The following NCAM2 variants were observed in gnomAD, a reference collection of about 807,000 sequenced individuals.
NCAM2 encodes N-CAM-2.
A neutral mutation model predicts 98.1 loss-of-function variants in NCAM2; 30 were observed. The ratio of observed to expected loss-of-function variants is 0.31; its 90% CI spans 0.23 to 0.41. The LOEUF is 0.41. Ranked by LOEUF, NCAM2 falls within the 10% of genes least tolerant of loss-of-function variation. The pLI is 1.00. For missense variants in NCAM2, 867 were observed against 1,005.8 expected (o/e 0.86, Z 1.87); for synonymous variants, 368 against 342.4 (o/e 1.07, Z -0.83).
At chr21:21,026,008 A>T (rs2064537674) in intron 1 of NCAM2, among the ~76,000 whole-genome samples, 1 of 152,190 alleles carries the variant, frequency 6.6e-6, no homozygotes, top group Non-Finnish European at 1.5e-5. Flanking sequence ...GTGGAGAATA[A>T]CCTAAAGCTT....
chr21:21,454,445 T>C (rs1981816347), intron 12 of NCAM2, among the ~76,000 whole-genome samples: 1 of 152,080 alleles, frequency 6.6e-6, no homozygotes, highest in South Asian at 2.1e-4. Flanking sequence ...AATTTTAAGG[T>C]GTTAACATCC....
At chr21:21,464,373 T>C (rs982518899) in intron 12 of NCAM2, among the ~76,000 whole-genome samples, 3 of 152,144 alleles carry the variant, frequency 2.0e-5, no homozygotes, top group Admixed American at 2.0e-4. Flanking sequence ...GAAGCATGAC[T>C]AGATATAGCA....
chr21:21,084,826 G>T (rs2065876873), intron 1 of NCAM2, among the ~76,000 whole-genome samples: 1 of 152,176 alleles, frequency 6.6e-6, no homozygotes, highest in African/African-American at 2.4e-5. Flanking sequence ...ATGAATATAG[G>T]AGTTAAAATT....
chr21:21,479,960 A>C (rs1363977718), intron 15 of NCAM2, among the ~76,000 whole-genome samples: 1 of 152,158 alleles, frequency 6.6e-6, no homozygotes, highest in Non-Finnish European at 1.5e-5. Context: ...CTTCTTTGTG[A>C]CAAACCCTTG....
chr21:21,421,428 T>G (rs1006578974), intron 11 of NCAM2, among the ~76,000 whole-genome samples: 3 of 118 alleles, frequency 0.025, no homozygotes, highest in African/African-American at 0.088. Context: ...TATTCCAAAT[T>G]TTATCAATTC....
rs1264427450 is a variant in NCAM2, at chr21:21,541,685, G to T, written c.*3728G>T. On this transcript the variant is annotated 3_prime_UTR_variant, in exon 18 of 18. Coordinates refer to ENST00000400546, the MANE Select transcript of NCAM2 (RefSeq NM_004540.5). ...ATTATCACTGACGAAAATATGTACA[G>T]TTCAAGAAGTAGAAATAATATTTTC... 2 of 151,588 alleles carry T rather than the reference G, an allele frequency of 1.3e-5. No individual in the cohort carries two copies. Among genetic ancestry groups the T allele is most frequent in the African/African-American group, 2.4e-5 (1 of 41,386 alleles). The allele number at this position is 151,588 out of a possible 1,614,324, so 9.4% of individuals were successfully genotyped here. A position where few individuals can be genotyped will look rare whatever the true frequency, so the allele number is the denominator to read the frequency against.
At chr21:21,251,529 C>T (rs1021341478) in intron 1 of NCAM2, among the ~76,000 whole-genome samples, 4 of 152,070 alleles carry the variant, frequency 2.6e-5, no homozygotes, top group Non-Finnish European at 5.9e-5. Context: ...TGTCTGTGTG[C>T]CACATTTTAT....
At position 21,508,897 on chromosome 21, in the gene NCAM2, A is replaced by G. The variant is rs1988177006; in HGVS notation, c.2124A>G (p.Gly708=). ...GGCTTGGAGCAGTAATTGGCCTGGGAGTTGCTGCACTGCTGCTAATTCTTG... is the reference window on the plus strand; with the variant it reads ...GGCTTGGAGCAGTAATTGGCCTGGGGGTTGCTGCACTGCTGCTAATTCTTG... ...GLGLGAVIGL[G]VAALLLILVV... is the part of the protein sequence containing the mutation. Residue 708 remains glycine, a synonymous_variant, in exon 16 of 18, where the codon GGA becomes GGG. Transcript: ENST00000400546. The G allele has an allele frequency of 7.0e-7, 1 of 1,438,778 alleles. No homozygotes were observed. Among genetic ancestry groups the G allele is most frequent in the South Asian group, 1.1e-5 (1 of 89,130 alleles). The allele number at this position is 1,438,778 out of a possible 1,614,324, so 89.1% of individuals were successfully genotyped here.
At chr21:21,323,914 G>C (rs1026354163) in intron 5 of NCAM2, among the ~76,000 whole-genome samples, 7 of 152,134 alleles carry the variant, frequency 4.6e-5, no homozygotes, top group Non-Finnish European at 7.4e-5. Flanking sequence ...GCATTACACA[G>C]ACCAATGAGA....
At chr21:21,068,450 G>A (rs2065488231) in intron 1 of NCAM2, among the ~76,000 whole-genome samples, 1 of 145,912 alleles carries the variant, frequency 6.9e-6, no homozygotes, top group South Asian at 2.2e-4. Context: ...TGGTAGTCAT[G>A]GTATTGCATT....
chr21:21,541,078 T>C lies in NCAM2; in HGVS notation c.*3121T>C, dbSNP rs1027329896. 2 of 151,612 alleles carry C rather than the reference T, an allele frequency of 1.3e-5. No homozygotes were observed. Among genetic ancestry groups the C allele is most frequent in the Non-Finnish European group, 3.0e-5 (2 of 67,740 alleles). 9.4% of individuals were successfully genotyped at this position (151,612 alleles called of 1,614,324 possible). On this transcript the variant is annotated 3_prime_UTR_variant, in exon 18 of 18. Coordinates refer to ENST00000400546, the MANE Select transcript of NCAM2 (RefSeq NM_004540.5). The stretch of plus-strand genomic sequence containing the variant: ...TGATCCAGCACACTTCATATGGATC[T>C]TAGTCTTTGAATTAAATATTTATAT...
At chr21:21,160,447 G>A (rs1430877032) in intron 1 of NCAM2, among the ~76,000 whole-genome samples, 3 of 151,854 alleles carry the variant, frequency 2.0e-5, no homozygotes, top group African/African-American at 4.8e-5. Flanking sequence ...TATGAGAATG[G>A]CTATTTTATT....
chr21:21,452,209 C>T (rs945339380), intron 12 of NCAM2, among the ~76,000 whole-genome samples: 3 of 101,376 alleles, frequency 3.0e-5, no homozygotes, highest in Non-Finnish European at 7.6e-5. Context: ...GATGTATGTA[C>T]ACACACATAT....
chr21:21,027,783 A>C (rs1478891038), intron 1 of NCAM2, among the ~76,000 whole-genome samples: 1 of 152,136 alleles, frequency 6.6e-6, no homozygotes, highest in Non-Finnish European at 1.5e-5. Flanking sequence ...TAGTTACTTC[A>C]GTAATTTATA....
chr21:21,194,815 C>T (rs2068948799), intron 1 of NCAM2, among the ~76,000 whole-genome samples: 1 of 151,942 alleles, frequency 6.6e-6, no homozygotes, highest in South Asian at 2.1e-4. Context: ...ATCAAATTAC[C>T]TAACATCCAT....
At chr21:21,296,327 T>C (rs2073478149) in intron 5 of NCAM2, among the ~76,000 whole-genome samples, 1 of 151,840 alleles carries the variant, frequency 6.6e-6, no homozygotes, top group Non-Finnish European at 1.5e-5. Flanking sequence ...GTATTAAAGA[T>C]AAATATAATG....
intron 12 of NCAM2, among the ~76,000 whole-genome samples, 160 bp from the exon 13 acceptor site, chr21:21,466,446 A>G (rs1189588961): frequency 6.6e-6 from 1 of 152,012 alleles, no homozygotes; most frequent in Non-Finnish European, 1.5e-5. Flanking sequence ...GTTTCTTCTT[A>G]TATGACTTAT....
chr21:21,380,178 A>G (rs1421454955), intron 9 of NCAM2, among the ~76,000 whole-genome samples: 1 of 152,134 alleles, frequency 6.6e-6, no homozygotes, highest in East Asian at 1.9e-4. Context: ...GCATCCTTCA[A>G]TCCAGTCAAG....
intron 5 of NCAM2, among the ~76,000 whole-genome samples, chr21:21,315,440 C>G (rs970518761): frequency 6.6e-6 from 1 of 152,180 alleles, no homozygotes; most frequent in Admixed American, 6.5e-5. Context: ...TTATTTATCT[C>G]TCTCTGCCCC....
Sources: allele counts gnomAD v4.1 joint callset (sites outside exome capture counted in the v4.1 genomes callset), GRCh38; gene constraint gnomAD v4.1.1; transcripts MANE v1.5; gene names NCBI Gene and HGNC (gene_info 2026-07-23, HGNC 2026-07-21).